Variants in TUNAR observed in about 807,000 individuals in gnomAD.
The protein encoded by TUNAR is transmembrane neural differentiation associated intracellular calcium regulator, also known as protein TUNAR.
At position 95,901,768 on chromosome 14, in the gene TUNAR, A is replaced by G. The variant is rs145662680; in HGVS notation, c.13-21013A>G. Among the ~76,000 whole-genome samples, 11 of 152,296 alleles carry G rather than the reference A, an allele frequency of 7.2e-5. No homozygotes were observed. The East Asian group carries it at 1.7e-3, about 24-fold the overall frequency. On this transcript the variant is annotated intron_variant, in intron 2 of 2. Coordinates refer to ENST00000678517, the Ensembl canonical transcript of TUNAR. ...GGGAGGAGAAATGAAAAAATAACAT[A>G]CTTTGGAGTAGGGAATCCTACTTTC...
chr14:95,891,675 T>C (rs1318160666), intron 2 of TUNAR, among the ~76,000 whole-genome samples: 1 of 152,246 alleles, frequency 6.6e-6, no homozygotes, highest in Admixed American at 6.5e-5. Flanking sequence ...TTGGCTCTGT[T>C]GTCTGTTACG....
At chr14:95,908,434 A>C (rs1451733953) in intron 2 of TUNAR, among the ~76,000 whole-genome samples, 1 of 152,184 alleles carries the variant, frequency 6.6e-6, no homozygotes, top group African/African-American at 2.4e-5. Context: ...CTGTCAGGCA[A>C]AGTGCGTCCT....
intron 2 of TUNAR, among the ~76,000 whole-genome samples, chr14:95,921,276 CAT>C (rs1309319904): frequency 6.6e-6 from 1 of 152,212 alleles, no homozygotes; most frequent in East Asian, 1.9e-4. Flanking sequence ...CAAGCTGACA[CAT>C]AAATTTAACC....
chr14:95,893,274 C>T (rs1441101447), intron 2 of TUNAR, among the ~76,000 whole-genome samples: 1 of 152,014 alleles, frequency 6.6e-6, no homozygotes, highest in African/African-American at 2.4e-5. Context: ...TGGGAGGCAG[C>T]CTGGGAAAGT....
At chr14:95,885,190 T>G (rs1172065188) in intron 2 of TUNAR, among the ~76,000 whole-genome samples, 1 of 152,192 alleles carries the variant, frequency 6.6e-6, no homozygotes, top group East Asian at 1.9e-4. Context: ...GGGTCTGACA[T>G]TGCAGATGCC....
chr14:95,913,104 T>A (rs2139669335), intron 2 of TUNAR, among the ~76,000 whole-genome samples: 1 of 152,106 alleles, frequency 6.6e-6, no homozygotes, highest in South Asian at 2.1e-4. Context: ...CATCTTTTTT[T>A]TTTTACCTCA....
chr14:95,883,444 A>G (rs1889014257), intron 2 of TUNAR, among the ~76,000 whole-genome samples: 1 of 152,200 alleles, frequency 6.6e-6, no homozygotes, highest in Admixed American at 6.5e-5. Context: ...TGTCAGGGAC[A>G]ACAGTTTAAC....
intron 2 of TUNAR, among the ~76,000 whole-genome samples, chr14:95,881,891 G>A (rs767477806): frequency 1.8e-4 from 28 of 152,164 alleles, no homozygotes; most frequent in South Asian, 4.1e-4. Context: ...ACGATACTCA[G>A]GCTGGGTTTC....
intron 2 of TUNAR, among the ~76,000 whole-genome samples, chr14:95,918,375 TCTC>T (rs765056269): frequency 5.1e-4 from 77 of 152,372 alleles, no homozygotes; most frequent in Non-Finnish European, 9.7e-4. Context: ...TCTAGGCTAA[TCTC>T]CTGGATTCTA....
intron 2 of TUNAR, among the ~76,000 whole-genome samples, chr14:95,882,364 C>T (rs149186020): frequency 2.8e-4 from 43 of 152,286 alleles, no homozygotes; most frequent in African/African-American, 8.2e-4. Context: ...GCCTCTGATA[C>T]GTGATTACTG....
chr14:95,888,736 G>A (rs1417857816), intron 2 of TUNAR, among the ~76,000 whole-genome samples: 1 of 152,188 alleles, frequency 6.6e-6, no homozygotes, highest in Non-Finnish European at 1.5e-5. Flanking sequence ...TCGAGCCTCA[G>A]AAGTCACATA....
At chr14:95,903,061 G>A (rs1182588946) in intron 2 of TUNAR, among the ~76,000 whole-genome samples, 1 of 152,094 alleles carries the variant, frequency 6.6e-6, no homozygotes, top group African/African-American at 2.4e-5. Flanking sequence ...GGTGGGCATT[G>A]TTACTCCATT....
intron 2 of TUNAR, among the ~76,000 whole-genome samples, chr14:95,907,071 G>C (rs1309135852): frequency 6.6e-6 from 1 of 152,170 alleles, no homozygotes; most frequent in Non-Finnish European, 1.5e-5. Flanking sequence ...TTCACACTTT[G>C]CTTTTCTAAG....
At chr14:95,913,781 G>A (rs1476855705) in intron 2 of TUNAR, among the ~76,000 whole-genome samples, 1 of 152,024 alleles carries the variant, frequency 6.6e-6, no homozygotes, top group Non-Finnish European at 1.5e-5. Context: ...TCACTAGGCT[G>A]GAGTGCAGTG....
chr14:95,923,031 T>C (rs4905406), exon 3 of TUNAR: 4 of 398,712 alleles, frequency 1.0e-5, no homozygotes, highest in African/African-American at 2.1e-5. Context: ...TGTCGGCGCA[T>C]CACTGACCAG....
At chr14:95,907,021 G>A (rs1196908068) in intron 2 of TUNAR, among the ~76,000 whole-genome samples, 3 of 152,292 alleles carry the variant, frequency 2.0e-5, no homozygotes, top group African/African-American at 7.2e-5. Flanking sequence ...TCCATGAGGT[G>A]TAGCATACTG....
At position 95,910,247 on chromosome 14, in the gene TUNAR, T is replaced by G. The variant is rs374884284; in HGVS notation, c.13-12534T>G. Among the ~76,000 whole-genome samples, 553 of 152,348 alleles carry G rather than the reference T, an allele frequency of 3.6e-3. 7 individuals carry two copies. Among genetic ancestry groups the G allele is most frequent in the African/African-American group, 0.013 (534 of 41,594 alleles). On this transcript the variant is annotated intron_variant, in intron 2 of 2. Transcript: ENST00000678517. The stretch of plus-strand genomic sequence containing the variant: ...AGAATAGGGTCTTGGCTGGGCACGG[T>G]GGCTCACGCCTGTAATCCCAACATT...
intron 2 of TUNAR, among the ~76,000 whole-genome samples, chr14:95,916,256 C>G (rs182366611): frequency 3.5e-4 from 53 of 152,318 alleles, no homozygotes; most frequent in Non-Finnish European, 7.5e-4. Context: ...GGAACCACTA[C>G]GTCGGCTTTG....
chr14:95,893,447 G>A (rs1248493176), intron 2 of TUNAR, among the ~76,000 whole-genome samples: 19 of 152,124 alleles, frequency 1.2e-4, no homozygotes, highest in African/African-American at 3.4e-4. Context: ...GGAAGGGGCC[G>A]CCCTCACTCC....
Sources: allele counts gnomAD v4.1 joint callset (sites outside exome capture counted in the v4.1 genomes callset), GRCh38; gene constraint gnomAD v4.1.1; transcripts MANE v1.5; gene names NCBI Gene and HGNC (gene_info 2026-07-23, HGNC 2026-07-21).